Variants in TBPL2 observed in about 807,000 individuals in gnomAD.
TBPL2 encodes the protein TATA-box binding protein like 2, also known as TATA box-binding protein-like 2.
A neutral mutation model predicts 38.2 loss-of-function variants in TBPL2; 40 were observed. That is an observed-to-expected ratio of 1.05 (90% CI 0.81 to 1.36). The LOEUF (loss-of-function observed/expected upper bound fraction) is 1.36, where lower values mean the gene tolerates loss of function less well. Among genes scored for constraint, TBPL2 ranks in the 40% most tolerant of loss-of-function variants. The pLI, the probability that TBPL2 is intolerant of heterozygous loss-of-function variation, is 0.00. For missense variants in TBPL2, 461 were observed against 456.7 expected, an observed-to-expected ratio of 1.01 and a Z score of -0.09; for synonymous variants, 169 against 171.7, an observed-to-expected ratio of 0.98 and a Z score of 0.12.
intron 1 of TBPL2, among the ~76,000 whole-genome samples, chr14:55,437,943 C>T (rs1229403259): frequency 4.6e-5 from 7 of 152,084 alleles, no homozygotes; most frequent in Admixed American, 4.6e-4. Flanking sequence ...TATTTTCAGT[C>T]CAGGGAAGGC....
chr14:55,425,111 A>T (rs964951820), intron 5 of TBPL2, among the ~76,000 whole-genome samples: 4 of 152,208 alleles, frequency 2.6e-5, no homozygotes, highest in African/African-American at 9.6e-5. Flanking sequence ...CAAGACCCAA[A>T]AACAACAGCA....
At chr14:55,435,884 A>G in exon 3 of TBPL2, 3 of 1,575,334 alleles carry the variant, frequency 1.9e-6, no homozygotes, top group Non-Finnish European at 2.6e-6. Context: ...ATGCAAAGCT[A>G]TTTTCTTCAG....
At position 55,414,468 on chromosome 14, in the gene TBPL2, C is replaced by T. The variant is rs1249590742; in HGVS notation, c.1052-13G>A. ...CGTTCTTTGGCACCTATAAAGAAAT[C>T]CAGGTTTATATAATTTTTAATATAA... On this transcript the variant is annotated splice_polypyrimidine_tract_variant and intron_variant, in intron 6 of 6. Coordinates refer to ENST00000247219, the Ensembl canonical transcript of TBPL2. 4 of 1,575,230 alleles carry T rather than the reference C, an allele frequency of 2.5e-6. No individual in the cohort carries two copies. The highest frequency in any genetic ancestry group is 2.3e-5 in the East Asian group (1 of 44,222).
chr14:55,436,123 T>C (rs893862505), intron 2 of TBPL2, among the ~76,000 whole-genome samples, 189 bp from the exon 3 acceptor site: 10 of 152,232 alleles, frequency 6.6e-5, no homozygotes, highest in African/African-American at 2.4e-4. Flanking sequence ...CTAAAGAGCC[T>C]TTCCTAAAAT....
chr14:55,436,852 A>G, exon 2 of TBPL2: 1 of 1,614,216 alleles, frequency 6.2e-7, no homozygotes, highest in Non-Finnish European at 8.5e-7. Flanking sequence ...TTCCTGGGTA[A>G]CTTCATCTGG....
chr14:55,433,391 G>A (rs1022865496), intron 4 of TBPL2, among the ~76,000 whole-genome samples: 3 of 146,956 alleles, frequency 2.0e-5, no homozygotes, highest in African/African-American at 7.6e-5. Flanking sequence ...GGGCTCAAGC[G>A]ATCCTCCTGC....
rs1886043437 is a variant in TBPL2, at chr14:55,438,018, T to A, written c.151-1000A>T. Among the ~76,000 whole-genome samples, 3 of 152,348 alleles carry A rather than the reference T, an allele frequency of 2.0e-5. No individual in the cohort carries two copies. In the South Asian group the frequency reaches 6.2e-4, roughly 32 times the overall value. On this transcript the variant is annotated intron_variant, in intron 1 of 6. Transcript: ENST00000247219. ...GTGCACCTGAGGAAAGCAACTAATG[T>A]AAAATTCATGGACTTTATTATGGGA...
chr14:55,437,051 A>T, intron 1 of TBPL2, 33 bp from the exon 2 acceptor site: 1 of 1,578,726 alleles, frequency 6.3e-7, no homozygotes, highest in Non-Finnish European at 8.7e-7. Flanking sequence ...AGACAAAAAC[A>T]CAACAGACAG....
chr14:55,425,638 G>A (rs1456616560), intron 5 of TBPL2, among the ~76,000 whole-genome samples: 1 of 152,134 alleles, frequency 6.6e-6, no homozygotes, highest in Non-Finnish European at 1.5e-5. Context: ...TCGAACACCT[G>A]CCAATTTCTT....
exon 7 of TBPL2, chr14:55,414,371 T>C (rs750034405): frequency 6.3e-7 from 1 of 1,589,076 alleles, no homozygotes; most frequent in South Asian, 1.2e-5. Context: ...AGATGCTGAA[T>C]GATATGCTCA....
At chr14:55,422,505 T>TA (rs1885759997) in intron 6 of TBPL2, among the ~76,000 whole-genome samples, 1 of 152,120 alleles carries the variant, frequency 6.6e-6, no homozygotes, top group Non-Finnish European at 1.5e-5. Flanking sequence ...TGCCTCGGCC[T>TA]CCCGAAGTGC....
intron 6 of TBPL2, among the ~76,000 whole-genome samples, chr14:55,422,309 G>A (rs140782505): frequency 4.6e-5 from 7 of 152,064 alleles, no homozygotes; most frequent in East Asian, 3.9e-4. Context: ...TAGACTACGC[G>A]ATCTCAGCTC....
chr14:55,428,764 A>G (rs2140173097), intron 5 of TBPL2, 43 bp downstream of exon 5: 1 of 1,572,604 alleles, frequency 6.4e-7, no homozygotes, highest in South Asian at 1.2e-5. Flanking sequence ...TGTAACTTAA[A>G]TATCTTGGTA....
chr14:55,432,968 T>C (rs1233130745), intron 4 of TBPL2, among the ~76,000 whole-genome samples: 1 of 152,164 alleles, frequency 6.6e-6, no homozygotes, highest in Non-Finnish European at 1.5e-5. Flanking sequence ...TCCATTTATC[T>C]GCAATGAGGA....
intron 6 of TBPL2, among the ~76,000 whole-genome samples, chr14:55,423,219 A>C (rs1275534363): frequency 6.6e-6 from 1 of 152,224 alleles, no homozygotes; most frequent in Non-Finnish European, 1.5e-5. Context: ...TATACAGTTA[A>C]AGTTTTCTTT....
chr14:55,415,168 T>TG (rs1885649693), intron 6 of TBPL2, among the ~76,000 whole-genome samples: 1 of 152,230 alleles, frequency 6.6e-6, no homozygotes, highest in African/African-American at 2.4e-5. Context: ...GTCATGTACT[T>TG]GTACTACTTA....
At chr14:55,417,177 G>A (rs759808988) in intron 6 of TBPL2, among the ~76,000 whole-genome samples, 2 of 152,158 alleles carry the variant, frequency 1.3e-5, no homozygotes, top group Non-Finnish European at 2.9e-5. Flanking sequence ...AGAAACAGAT[G>A]TTACCTGAAC....
At chr14:55,435,189 G>A (rs1020763779) in intron 3 of TBPL2, among the ~76,000 whole-genome samples, 1 of 152,122 alleles carries the variant, frequency 6.6e-6, no homozygotes, top group Non-Finnish European at 1.5e-5. Flanking sequence ...ATACATAAGT[G>A]TCAGGTAGCT....
intron 6 of TBPL2, among the ~76,000 whole-genome samples, chr14:55,422,990 A>G (rs1885768135): frequency 6.6e-6 from 1 of 152,250 alleles, no homozygotes; most frequent in Non-Finnish European, 1.5e-5. Context: ...AAAAGCCAAC[A>G]GGAAAAAATA....
Sources: allele counts gnomAD v4.1 joint callset (sites outside exome capture counted in the v4.1 genomes callset), GRCh38; gene constraint gnomAD v4.1.1; transcripts MANE v1.5; gene names NCBI Gene and HGNC (gene_info 2026-07-23, HGNC 2026-07-21).